ASZ1: variants seen among roughly 807,000 people sequenced by gnomAD.
ASZ1 encodes the protein ankyrin repeat, SAM and basic leucine zipper domain-containing protein 1.
In ASZ1, 67 loss-of-function variants were observed where a neutral mutation model predicts 61.8. That is an observed-to-expected ratio of 1.08 (90% CI 0.89 to 1.33). ASZ1 has a LOEUF of 1.33. Among genes scored for constraint, ASZ1 ranks in the 40% most tolerant of loss-of-function variants. ASZ1 has a pLI of 0.00. For synonymous variants in ASZ1, 193 were observed against 192.7 expected (o/e 1.00, Z -0.01); for missense variants, 577 against 554.5 (o/e 1.04, Z -0.41).
chr7:117,424,980 C>T (rs867262931), intron 2 of ASZ1, among the ~76,000 whole-genome samples: 26 of 152,136 alleles, frequency 1.7e-4, no homozygotes, highest in African/African-American at 5.8e-4. Context: ...CATTTTAAAA[C>T]GGGCAGAAAT....
chr7:117,371,724 GAAT>G (rs1415361608), intron 10 of ASZ1, among the ~76,000 whole-genome samples: 5 of 151,884 alleles, frequency 3.3e-5, no homozygotes, highest in African/African-American at 9.7e-5. Context: ...TCAAGAAAAA[GAAT>G]AACTACTAAA....
chr7:117,426,914 TG>T lies in ASZ1; in HGVS notation c.126del (p.Ile43LeufsTer12). On this transcript the variant is annotated frameshift_variant, in exon 2 of 13. Coordinates refer to ENST00000284629, the MANE Select transcript of ASZ1 (RefSeq NM_130768.3). LOFTEE classifies it high-confidence loss of function. ...TTAAATTTTTCTTTCTTTTCTTCAATGGGTAATAGCCTTTTCAATTTCTAGA... is the reference window on the plus strand; with the variant it reads ...TTAAATTTTTCTTTCTTTTCTTCAATGGTAATAGCCTTTTCAATTTCTAGA... The part of the protein sequence containing the change: ...RTSQKLKRLL[P>X]IEEKKEKFKK... 1 of 1,612,726 alleles carries T rather than the reference TG, an allele frequency of 6.2e-7. No homozygotes were observed. Among genetic ancestry groups the T allele is most frequent in the Non-Finnish European group, 8.5e-7 (1 of 1,179,586 alleles).
At chr7:117,386,626 C>T (rs1796360596) in intron 4 of ASZ1, among the ~76,000 whole-genome samples, 2 of 152,096 alleles carry the variant, frequency 1.3e-5, no homozygotes, top group South Asian at 4.1e-4. Context: ...GATTTATACA[C>T]AAAGAACTTT....
At chr7:117,379,872 A>G (rs747991566) in intron 10 of ASZ1, 66 bp downstream of exon 10, 44 of 1,080,862 alleles carry the variant, frequency 4.1e-5, no homozygotes, top group Non-Finnish European at 5.9e-5. Context: ...CATTATGAAA[A>G]TTAAACTAAA....
At chr7:117,410,365 T>C (rs974614562) in intron 4 of ASZ1, among the ~76,000 whole-genome samples, 1 of 151,764 alleles carries the variant, frequency 6.6e-6, no homozygotes, top group Non-Finnish European at 1.5e-5. Flanking sequence ...ACATAAATTC[T>C]GAGTCCAAGA....
At chr7:117,371,499 G>C (rs1796049685) in intron 10 of ASZ1, among the ~76,000 whole-genome samples, 1 of 152,058 alleles carries the variant, frequency 6.6e-6, no homozygotes, top group Non-Finnish European at 1.5e-5. Flanking sequence ...GTTCTATTTA[G>C]CAGTAAGTAT....
intron 10 of ASZ1, 70 bp downstream of exon 10, chr7:117,379,868 G>A: frequency 9.7e-7 from 1 of 1,032,416 alleles, no homozygotes; most frequent in Non-Finnish European, 1.4e-6. Flanking sequence ...CAGACATTAT[G>A]AAAATTAAAC....
intron 5 of ASZ1, among the ~76,000 whole-genome samples, chr7:117,385,469 C>T (rs1796335764): frequency 6.6e-6 from 1 of 151,990 alleles, no homozygotes; most frequent in Non-Finnish European, 1.5e-5. Context: ...CCATGTTGGC[C>T]AGGCTGGTCT....
rs372367007 is a variant in ASZ1 at position 117,367,432 on chromosome 7, T to G, written c.1195A>C (p.Thr399Pro). The G allele has an allele frequency of 2.6e-6, 4 of 1,556,340 alleles. No individual in the cohort carries two copies. The highest frequency in any genetic ancestry group is 3.5e-6 in the Non-Finnish European group (4 of 1,153,080). Residue 399 changes from threonine (T) to proline (P), a missense_variant, in exon 12 of 13, where the codon ACT becomes CCT. By Grantham distance (38) the Thr-to-Pro change is conservative (BLOSUM62 -1). Transcript: ENST00000284629. ...TTAACCAATTCTTCACAAACTGAAG[T>G]AAAATTCTGGGGAGAAGCCCATTCC... is the stretch of plus-strand genomic sequence containing the variant. ...TLEWASPQNFTSVCEELVNNV... is the reference protein window; with the variant it reads ...TLEWASPQNFPSVCEELVNNV...
chr7:117,404,417 CT>C (rs57876175), intron 4 of ASZ1, among the ~76,000 whole-genome samples: 219 of 130,440 alleles, frequency 1.7e-3, no homozygotes, highest in Middle Eastern at 3.7e-3. Flanking sequence ...TGACTGTTTC[CT>C]TTTTTTTTTT....
chr7:117,372,187 A>G (rs10255092), intron 10 of ASZ1, among the ~76,000 whole-genome samples: 40,168 of 152,096 alleles, frequency 0.26, 5,564 homozygotes, highest in Non-Finnish European at 0.28. Flanking sequence ...TGACATAGGT[A>G]TAGTAGACTG....
intron 4 of ASZ1, among the ~76,000 whole-genome samples, chr7:117,418,668 T>C (rs530324418): frequency 1.4e-5 from 2 of 140,596 alleles, no homozygotes; most frequent in Admixed American, 7.0e-5. Context: ...AAAAAAAAAA[T>C]GTTTGCAGGT....
intron 4 of ASZ1, among the ~76,000 whole-genome samples, chr7:117,412,039 A>AGTGTGTATGTGTGT (rs561983723): frequency 1.6e-4 from 20 of 128,446 alleles, no homozygotes; most frequent in Middle Eastern, 4.0e-3. Flanking sequence ...AGTGAAAAGA[A>AGTGTGTATGTGTGT]GTGTGTGTGT....
intron 1 of ASZ1, 51 bp downstream of exon 1, chr7:117,427,305 G>C: frequency 1.3e-6 from 2 of 1,584,516 alleles, no homozygotes; most frequent in Non-Finnish European, 1.7e-6. Flanking sequence ...GCCTTCGAGG[G>C]CCAGGGGAGG....
At chr7:117,393,631 G>A (rs764158065) in intron 4 of ASZ1, among the ~76,000 whole-genome samples, 1 of 152,044 alleles carries the variant, frequency 6.6e-6, no homozygotes, top group African/African-American at 2.4e-5. Context: ...ATTTTTAGGT[G>A]TGACTTCACT....
At chr7:117,404,230 C>T (rs1401095135) in intron 4 of ASZ1, among the ~76,000 whole-genome samples, 2 of 151,962 alleles carry the variant, frequency 1.3e-5, no homozygotes, top group Non-Finnish European at 2.9e-5. Context: ...TGCCATCTCT[C>T]TGTGGGAGGG....
At chr7:117,416,419 A>G (rs781422517) in intron 4 of ASZ1, among the ~76,000 whole-genome samples, 8 of 152,132 alleles carry the variant, frequency 5.3e-5, no homozygotes, top group Non-Finnish European at 8.8e-5. Context: ...TAAGCAATTG[A>G]TTTTCTGCCT....
chr7:117,363,820 A>C (rs1795877598), intron 12 of ASZ1, 72 bp from the exon 13 acceptor site: 1 of 1,189,476 alleles, frequency 8.4e-7, no homozygotes, highest in Admixed American at 3.1e-5. Context: ...TGATTTTAAA[A>C]AATATCATAA....
At chr7:117,364,423 G>A (rs1037391623) in intron 12 of ASZ1, among the ~76,000 whole-genome samples, 1 of 142,422 alleles carries the variant, frequency 7.0e-6, no homozygotes, top group African/African-American at 2.5e-5. Flanking sequence ...GAGAGACAGA[G>A]AGAGAGAGAG....
Sources: gnomAD v4.1 joint callset for allele counts (sites outside exome capture counted in the v4.1 genomes callset) on GRCh38, gnomAD v4.1.1 for gene constraint, MANE v1.5 for transcripts, NCBI Gene and HGNC (gene_info 2026-07-23, HGNC 2026-07-21) for gene names.